The following PIAS2 variants were observed in gnomAD, a reference collection of about 807,000 sequenced individuals.
PIAS2 encodes the protein protein inhibitor of activated STAT 2, also known as E3 SUMO-protein ligase PIAS2.
PIAS2 carries 19 observed loss-of-function variants against 69.7 expected under a neutral mutation model. That is an observed-to-expected ratio of 0.27 (90% CI 0.19 to 0.40). PIAS2 has a LOEUF of 0.40. Ranked by LOEUF, PIAS2 falls within the 10% of genes least tolerant of loss-of-function variation. The probability of loss-of-function intolerance (pLI) is 1.00; values close to 1 mark genes in which losing one functional copy is unlikely to be tolerated. For synonymous variants in PIAS2, 261 were observed against 263.2 expected (o/e 0.99, Z 0.08); for missense variants, 624 against 757.0 (o/e 0.82, Z 2.06).
At chr18:46,848,911 G>A (rs1417255820) in intron 5 of PIAS2, among the ~76,000 whole-genome samples, 1 of 151,520 alleles carries the variant, frequency 6.6e-6, no homozygotes, top group African/African-American at 2.4e-5. Flanking sequence ...TCAAGGAGCT[G>A]ATTCAATGAG....
intron 8 of PIAS2, among the ~76,000 whole-genome samples, chr18:46,840,797 T>C (rs937601870): frequency 3.9e-5 from 6 of 152,192 alleles, no homozygotes; most frequent in African/African-American, 9.7e-5. Flanking sequence ...TTTTTTGAAA[T>C]TTATTATTTT....
chr18:46,842,903 CA>C (rs1184970812), intron 8 of PIAS2, among the ~76,000 whole-genome samples: 2 of 151,990 alleles, frequency 1.3e-5, no homozygotes, highest in Non-Finnish European at 2.9e-5. Context: ...AATTATATTT[CA>C]ATAAAGGCAA....
At position 46,842,814 on chromosome 18, in the gene PIAS2, A is replaced by G. The variant is rs73953894; in HGVS notation, c.1041+1240T>C. 2.1e-3 allele frequency among the ~76,000 whole-genome samples: 314 copies of G among 152,268 alleles called. 2 individuals carry two copies. The highest frequency in any genetic ancestry group is 7.2e-3 in the African/African-American group (298 of 41,562). On this transcript the variant is annotated intron_variant, in intron 8 of 13. Transcript: ENST00000585916. ...AACACCCTCAGGGCTTTCAGGTCTT[A>G]CCCTACTGGAACTGCACACCTCTTC...
intron 2 of PIAS2, among the ~76,000 whole-genome samples, chr18:46,879,938 T>C (rs2051916174): frequency 1.3e-5 from 2 of 152,052 alleles, no homozygotes; most frequent in African/African-American, 2.4e-5. Context: ...GAAGAGGGAA[T>C]AGTGAATTAC....
chr18:46,832,205 G>C (rs1465102081), intron 9 of PIAS2, among the ~76,000 whole-genome samples: 1 of 150,950 alleles, frequency 6.6e-6, no homozygotes, highest in African/African-American at 2.4e-5. Flanking sequence ...TCACGAGGTC[G>C]GGAGTTCGAG....
chr18:46,843,008 A>C (rs1164814488), intron 8 of PIAS2, among the ~76,000 whole-genome samples: 2 of 152,230 alleles, frequency 1.3e-5, no homozygotes, highest in Non-Finnish European at 2.9e-5. Flanking sequence ...ATGTACTTGT[A>C]ATCAGGACAT....
intron 9 of PIAS2, 174 bp downstream of exon 9, chr18:46,836,183 G>A: frequency 3.9e-6 from 2 of 517,452 alleles, no homozygotes; most frequent in Non-Finnish European, 6.9e-6. Context: ...ACTAACCACA[G>A]TTTAAAAAAT....
At chr18:46,816,347 T>C (rs1377672455) in intron 12 of PIAS2, 5 of 962,210 alleles carry the variant, frequency 5.2e-6, no homozygotes, top group East Asian at 1.1e-4. Flanking sequence ...ATATTTATTC[T>C]CTTATAATCT....
chr18:46,889,940 T>G (rs2053805059), intron 2 of PIAS2, among the ~76,000 whole-genome samples: 1 of 152,170 alleles, frequency 6.6e-6, no homozygotes, highest in South Asian at 2.1e-4. Flanking sequence ...GATTGAGGGA[T>G]GAGTAGTGGA....
chr18:46,812,768 T>C (rs1027761379), intron 13 of PIAS2, among the ~76,000 whole-genome samples, 156 bp from the exon 14 acceptor site: 1 of 152,182 alleles, frequency 6.6e-6, no homozygotes, highest in African/African-American at 2.4e-5. Flanking sequence ...GGGTGGAAGA[T>C]AGCATGAATT....
intron 11 of PIAS2, among the ~76,000 whole-genome samples, chr18:46,824,930 G>T (rs1176328109): frequency 6.6e-6 from 1 of 151,008 alleles, no homozygotes; most frequent in Non-Finnish European, 1.5e-5. Flanking sequence ...AACCCAGGAG[G>T]TCAAGACTGC....
intron 2 of PIAS2, among the ~76,000 whole-genome samples, chr18:46,880,702 A>C (rs902890357): frequency 6.6e-6 from 1 of 152,242 alleles, no homozygotes; most frequent in African/African-American, 2.4e-5. Flanking sequence ...TACACACACA[A>C]AAAGAACATT....
At position 46,808,695 on chromosome 18, in the gene PIAS2, T is replaced by A. The variant is rs549555520; in HGVS notation, c.*3738A>T. ...AATGGTGCACTGCTCTACATTTTTC[T>A]ATTATGCAAAGAGCTAGAAAATAAT... On this transcript the variant is annotated 3_prime_UTR_variant, in exon 14 of 14. Transcript: ENST00000585916. 2 of 152,308 alleles carry A rather than the reference T, an allele frequency of 1.3e-5. No individual in the cohort carries two copies. The highest frequency in any genetic ancestry group is 3.9e-4 in the East Asian group (2 of 5,190). The allele number at this position is 152,308 out of a possible 1,614,324, so 9.4% of individuals were successfully genotyped here. A position where few individuals can be genotyped will look rare whatever the true frequency, so the allele number is the denominator to read the frequency against.
chr18:46,831,120 T>C (rs142460419), intron 9 of PIAS2, among the ~76,000 whole-genome samples: 9 of 152,282 alleles, frequency 5.9e-5, no homozygotes, highest in Admixed American at 5.2e-4. Flanking sequence ...ACTGTCTCTA[T>C]TTAAAAAACA....
intron 1 of PIAS2, among the ~76,000 whole-genome samples, chr18:46,896,989 G>A (rs1280769465): frequency 6.6e-6 from 1 of 152,148 alleles, no homozygotes; most frequent in Non-Finnish European, 1.5e-5. Context: ...GGACATATAT[G>A]ACAAAAGACT....
chr18:46,909,879 A>G (rs896562421), intron 1 of PIAS2, among the ~76,000 whole-genome samples: 3 of 152,188 alleles, frequency 2.0e-5, no homozygotes, highest in Non-Finnish European at 4.4e-5. Context: ...TTTAAGAAAT[A>G]TGGATGGCCA....
chr18:46,821,162 G>C (rs528655207), intron 11 of PIAS2, 90 bp from the exon 12 acceptor site: 2 of 1,349,086 alleles, frequency 1.5e-6, no homozygotes, highest in South Asian at 1.3e-5. Flanking sequence ...TCAGTCGTTC[G>C]TTCACCAGTT....
At chr18:46,911,156 A>C (rs1367587941) in intron 1 of PIAS2, among the ~76,000 whole-genome samples, 1 of 152,034 alleles carries the variant, frequency 6.6e-6, no homozygotes, top group African/African-American at 2.4e-5. Context: ...TTATAATATT[A>C]AATTTTAAAA....
At chr18:46,879,919 G>C (rs1342936418) in intron 2 of PIAS2, among the ~76,000 whole-genome samples, 3 of 152,082 alleles carry the variant, frequency 2.0e-5, no homozygotes, top group African/African-American at 7.2e-5. Context: ...TGGTTGCCAG[G>C]AGCTGGGGGA....
Sources: gnomAD v4.1 joint callset for allele counts (sites outside exome capture counted in the v4.1 genomes callset) on GRCh38, gnomAD v4.1.1 for gene constraint, MANE v1.5 for transcripts, NCBI Gene and HGNC (gene_info 2026-07-23, HGNC 2026-07-21) for gene names.